Variants in PCDHGA11 observed in about 807,000 individuals in gnomAD.
PCDHGA11 encodes protocadherin gamma subfamily A, 11.
In PCDHGA11, 39 loss-of-function variants were observed where a neutral mutation model predicts 60.4. The ratio of observed to expected loss-of-function variants is 0.65; its 90% CI spans 0.50 to 0.84. The LOEUF (loss-of-function observed/expected upper bound fraction) is 0.84, where lower values mean the gene tolerates loss of function less well. Ranked by LOEUF, PCDHGA11 falls within the 40% of genes least tolerant of loss-of-function variation. PCDHGA11 has a pLI of 0.00. For missense variants in PCDHGA11, 1,165 were observed against 1,197.7 expected, an observed-to-expected ratio of 0.97 and a Z score of 0.40; for synonymous variants, 533 against 510.3, an observed-to-expected ratio of 1.04 and a Z score of -0.60.
At chr5:141,438,579 CAT>C (rs2097974137) in intron 1 of PCDHGA11, among the ~76,000 whole-genome samples, 1 of 55,780 alleles carries the variant, frequency 1.8e-5, no homozygotes, top group Admixed American at 2.8e-4. Context: ...GATATACATA[CAT>C]ACATACATAC....
Position 141,485,538 on chromosome 5 carries a change from A to T in PCDHGA11, c.2434-9269A>T. ...TTGGAAATGTACCGAGCAGAGGTAG[A>T]GATCGTAGATGTGAATGATCACGCC... On this transcript the variant is annotated intron_variant, in intron 1 of 3. Transcript: ENST00000398587. The surrounding 1 kb of genome is among the most constrained non-coding windows in gnomAD (Gnocchi z 5.7). The T allele has an allele frequency of 6.2e-7, 1 of 1,614,162 alleles. No individual in the cohort carries two copies. Among genetic ancestry groups the T allele is most frequent in the Admixed American group, 1.7e-5 (1 of 60,012 alleles).
Position 141,489,384 on chromosome 5 carries a change from T to C in PCDHGA11, c.2434-5423T>C, listed in dbSNP as rs2099686499. The stretch of plus-strand genomic sequence containing the variant: ...AGCCGGGGACGCTGGTGGGGAATGT[T>C]GCTCAGGATCTGGGCTTAAAGATGA... On this transcript the variant is annotated intron_variant, in intron 1 of 3. Transcript: ENST00000398587. The surrounding 1 kb of genome is among the most constrained non-coding windows in gnomAD (Gnocchi z 4.5). 1 of 1,613,986 alleles carries C rather than the reference T, an allele frequency of 6.2e-7. No individual in the cohort carries two copies. The highest frequency in any genetic ancestry group is 8.5e-7 in the Non-Finnish European group (1 of 1,179,842).
Position 141,422,697 on chromosome 5 carries a change from C to T in PCDHGA11, c.1470C>T (p.Tyr490=), listed in dbSNP as rs1406213402. Residue 490 remains tyrosine, a synonymous_variant, in exon 1 of 4, where the codon TAC becomes TAT. Transcript: ENST00000398587. ...PDSKQNALVT[Y]SLTDDTVQGV... ...GCAAACAGAATGCCCTGGTCACTTACTCTCTGACGGATGACACTGTCCAGG... is the reference window on the plus strand; with the variant it reads ...GCAAACAGAATGCCCTGGTCACTTATTCTCTGACGGATGACACTGTCCAGG... The T allele has an allele frequency of 3.7e-6, 6 of 1,603,284 alleles. No individual in the cohort carries two copies. Among genetic ancestry groups the T allele is most frequent in the South Asian group, 1.1e-5 (1 of 88,764 alleles).
At position 141,422,561 on chromosome 5, in the gene PCDHGA11, A is replaced by T; in HGVS notation, c.1334A>T (p.Asp445Val). ...AETHVWLNVA[D>V]DNDNPPVFPH... ...ACTCATGTCTGGCTGAATGTGGCAG[A>T]TGACAACGATAACCCTCCCGTTTTT... The change falls in exon 1 of 4, where the codon GAT (aspartate) becomes GTT (valine). Residue 445 changes from aspartate (D) to valine (V), a missense_variant. By Grantham distance (152) the Asp-to-Val change is radical. Coordinates refer to ENST00000398587, the MANE Select transcript of PCDHGA11 (RefSeq NM_018914.3). 6.2e-7 allele frequency: 1 copy of T among 1,613,992 alleles called. No homozygotes were observed. The highest frequency in any genetic ancestry group is 8.5e-7 in the Non-Finnish European group (1 of 1,179,900).
Position 141,477,778 on chromosome 5 carries a change from C to T in PCDHGA11, c.2434-17029C>T, listed in dbSNP as rs866423908. On this transcript the variant is annotated intron_variant, in intron 1 of 3. Transcript: ENST00000398587. This position sits in a 1 kb window ranked among gnomAD's most constrained non-coding sequence, Gnocchi z 4.9. ...TCCTAGCCACCAACATCAGCGTGAA[C>T]ATATTTGTCACTGATCGCAATGACA... 2.5e-6 allele frequency: 4 copies of T among 1,614,052 alleles called. No homozygotes were observed. In the African/African-American group the frequency reaches 5.3e-5, roughly 22 times the overall value.
At position 141,422,899 on chromosome 5, in the gene PCDHGA11, G is replaced by C. The variant is rs759972749; in HGVS notation, c.1672G>C (p.Asp558His). The C allele has an allele frequency of 8.1e-6, 13 of 1,614,116 alleles. No homozygotes were observed. Among genetic ancestry groups the C allele is most frequent in the Middle Eastern group, 3.3e-4 (2 of 6,084 alleles). Residue 558 changes from aspartate (D) to histidine (H), a missense_variant, in exon 1 of 4, where the codon GAC becomes CAC. Coordinates refer to ENST00000398587, the MANE Select transcript of PCDHGA11 (RefSeq NM_018914.3). ...GAGCCTGTTCGTGCTGGACCAGAAC[G>C]ACAATGCGCCCGAGATCCTGTACCC... ...SLSLFVLDQN[D>H]NAPEILYPAL...
chr5:141,472,486 G>A (rs1300618918), intron 1 of PCDHGA11, among the ~76,000 whole-genome samples: 1 of 152,050 alleles, frequency 6.6e-6, no homozygotes, highest in Non-Finnish European at 1.5e-5. Flanking sequence ...CTTGCAGTGA[G>A]ACGAGATCGT....
At position 141,424,135 on chromosome 5, in the gene PCDHGA11, G is replaced by A. The variant is rs572224199; in HGVS notation, c.2433+475G>A. 1.1e-4 allele frequency: 47 copies of A among 431,606 alleles called. No individual in the cohort carries two copies. The South Asian group carries it at 4.6e-3, about 43-fold the overall frequency. The allele number at this position is 431,606 out of a possible 1,614,324, so 26.7% of individuals were successfully genotyped here. On this transcript the variant is annotated intron_variant, in intron 1 of 3. Coordinates refer to ENST00000398587, the MANE Select transcript of PCDHGA11 (RefSeq NM_018914.3). The stretch of plus-strand genomic sequence containing the variant: ...AAATTTTGATCCTGTTGATTTAATA[G>A]CATGCTCCCTCTAGCTCTCCTTCTC...
At position 141,476,827 on chromosome 5, in the gene PCDHGA11, G is replaced by A; in HGVS notation, c.2434-17980G>A. On this transcript the variant is annotated intron_variant, in intron 1 of 3. Transcript: ENST00000398587. The surrounding 1 kb of genome is among the most constrained non-coding windows in gnomAD (Gnocchi z 7.6). ...CTATTCACATCAAGGTGCTGGACGC[G>A]AATGACAATGCGCCTGTCTTCAACC... The A allele has an allele frequency of 1.2e-6, 2 of 1,613,542 alleles. No individual in the cohort carries two copies. Among genetic ancestry groups the A allele is most frequent in the Non-Finnish European group, 1.7e-6 (2 of 1,180,046 alleles).
intron 1 of PCDHGA11, among the ~76,000 whole-genome samples, chr5:141,465,443 C>T (rs979024871): frequency 6.6e-6 from 1 of 152,158 alleles, no homozygotes; most frequent in Non-Finnish European, 1.5e-5. Flanking sequence ...AATGATTACC[C>T]AAGAAAACTC....
rs889945954 is a variant in PCDHGA11, at chr5:141,489,368, C to A, written c.2434-5439C>A. The A allele has an allele frequency of 2.5e-6, 4 of 1,613,384 alleles. No homozygotes were observed. Among genetic ancestry groups the A allele is most frequent in the Non-Finnish European group, 3.4e-6 (4 of 1,179,478 alleles). On this transcript the variant is annotated intron_variant, in intron 1 of 3. Coordinates refer to ENST00000398587, the MANE Select transcript of PCDHGA11 (RefSeq NM_018914.3). The surrounding 1 kb of genome is among the most constrained non-coding windows in gnomAD (Gnocchi z 4.5). ...GTGGTGGAGGAGTCTGAGCCGGGGA[C>A]GCTGGTGGGGAATGTTGCTCAGGAT...
At position 141,491,201 on chromosome 5, in the gene PCDHGA11, C is replaced by T. The variant is rs752813291; in HGVS notation, c.2434-3606C>T. The T allele has an allele frequency of 3.7e-6, 6 of 1,614,226 alleles. No homozygotes were observed. The Admixed American group carries it at 5.0e-5, about 13-fold the overall frequency. On this transcript the variant is annotated intron_variant, in intron 1 of 3. Transcript: ENST00000398587. This position sits in a 1 kb window ranked among gnomAD's most constrained non-coding sequence, Gnocchi z 6.9. ...GTCCTGGTGAGGGACAATGGTGACCCTTCACTCTCCTCCACAGCCACAGTG... is the reference window on the plus strand; with the variant it reads ...GTCCTGGTGAGGGACAATGGTGACCTTTCACTCTCCTCCACAGCCACAGTG...
chr5:141,506,177 G>T (rs1024892091), intron 3 of PCDHGA11, among the ~76,000 whole-genome samples: 4 of 152,142 alleles, frequency 2.6e-5, no homozygotes, highest in African/African-American at 9.7e-5. Context: ...TAAGCTGGGC[G>T]TGGTGGCTCA....
chr5:141,489,111 C>G lies in PCDHGA11; in HGVS notation c.2434-5696C>G. 1.9e-6 allele frequency: 1 copy of G among 518,042 alleles called. No individual in the cohort carries two copies. Among genetic ancestry groups the G allele is most frequent in the Non-Finnish European group, 3.2e-6 (1 of 308,182 alleles). The allele number at this position is 518,042 out of a possible 1,614,324, so 32.1% of individuals were successfully genotyped here. The stretch of plus-strand genomic sequence containing the variant: ...GTGACTAAGAACTGCTGCAAGCAGG[C>G]AAACCTCCGAGCAGTTTTTAAGAGG... On this transcript the variant is annotated intron_variant, in intron 1 of 3. Coordinates refer to ENST00000398587, the MANE Select transcript of PCDHGA11 (RefSeq NM_018914.3). This position sits in a 1 kb window ranked among gnomAD's most constrained non-coding sequence, Gnocchi z 4.5.
At chr5:141,436,849 T>C (rs1007573014) in intron 1 of PCDHGA11, among the ~76,000 whole-genome samples, 11 of 152,256 alleles carry the variant, frequency 7.2e-5, no homozygotes, top group African/African-American at 2.7e-4. Context: ...ACATTCTTGA[T>C]TGAGAAGCCA....
Position 141,423,601 on chromosome 5 carries a change from C to T in PCDHGA11, c.2374C>T (p.Leu792Phe), listed in dbSNP as rs372165060. Residue 792 changes from leucine to phenylalanine, a missense_variant, in exon 1 of 4, where the codon CTC (leucine) becomes TTC (phenylalanine). Physicochemically the swap from Leu to Phe is conservative, Grantham distance 22. Transcript: ENST00000398587. ...SQESCEKSEP[L>F]LIAEDSAIIL... The stretch of plus-strand genomic sequence containing the variant: ...GGAGAGCTGTGAGAAAAGCGAGCCA[C>T]TCTTGATAGCTGAAGACTCAGCTAT... The T allele has an allele frequency of 1.9e-6, 3 of 1,612,586 alleles. No homozygotes were observed. Among genetic ancestry groups the T allele is most frequent in the Admixed American group, 1.7e-5 (1 of 59,924 alleles).
intron 1 of PCDHGA11, 33 bp from the exon 2 acceptor site, chr5:141,494,774 T>C (rs1462930792): frequency 6.2e-7 from 1 of 1,613,860 alleles, no homozygotes; most frequent in African/African-American, 1.3e-5. Flanking sequence ...TTCTCACGGG[T>C]ACTCAGCCCC....
rs539727453 is a variant in PCDHGA11 at position 141,487,510 on chromosome 5, C to G, written c.2434-7297C>G. ...GCTGTACACCCTTGGCTTCTGCACC[C>G]ACTCGGAGTGATAGCTTCATGATGG... On this transcript the variant is annotated intron_variant, in intron 1 of 3. Coordinates refer to ENST00000398587, the MANE Select transcript of PCDHGA11 (RefSeq NM_018914.3). This position sits in a 1 kb window ranked among gnomAD's most constrained non-coding sequence, Gnocchi z 5.0. The G allele has an allele frequency of 2.5e-6, 4 of 1,614,210 alleles. No homozygotes were observed. The highest frequency in any genetic ancestry group is 2.2e-5 in the East Asian group (1 of 44,860).
chr5:141,477,393 G>C lies in PCDHGA11; in HGVS notation c.2434-17414G>C. ...GAGACTGTGCCAGAATACAACCTCA[G>C]CATCACCGCCCGAGACGCCGGAACC... On this transcript the variant is annotated intron_variant, in intron 1 of 3. Coordinates refer to ENST00000398587, the MANE Select transcript of PCDHGA11 (RefSeq NM_018914.3). The surrounding 1 kb of genome is among the most constrained non-coding windows in gnomAD (Gnocchi z 4.9). The C allele has an allele frequency of 6.2e-7, 1 of 1,614,098 alleles. No individual in the cohort carries two copies. The highest frequency in any genetic ancestry group is 8.5e-7 in the Non-Finnish European group (1 of 1,180,028).
Sources: gnomAD v4.1 joint callset for allele counts (sites outside exome capture counted in the v4.1 genomes callset) on GRCh38, gnomAD v4.1.1 for gene constraint, Gnocchi (gnomAD v3.1) non-coding constraint, MANE v1.5 for transcripts, NCBI Gene and HGNC (gene_info 2026-07-23, HGNC 2026-07-21) for gene names.